Variants in BAZ2B observed in about 807,000 individuals in gnomAD.
BAZ2B encodes bromodomain adjacent to zinc finger domain 2B.
A neutral mutation model predicts 246.0 loss-of-function variants in BAZ2B; 91 were observed. The ratio of observed to expected loss-of-function variants is 0.37; its 90% CI spans 0.31 to 0.44. BAZ2B has a LOEUF of 0.44. BAZ2B is among the 20% of genes least tolerant of loss of function. The pLI, the probability that BAZ2B is intolerant of heterozygous loss-of-function variation, is 1.00. For missense variants in BAZ2B, 2,332 were observed against 2,533.7 expected, an observed-to-expected ratio of 0.92 and a Z score of 1.71; for synonymous variants, 855 against 860.0, an observed-to-expected ratio of 0.99 and a Z score of 0.10.
chr2:159,575,072 A>G (rs12466631), intron 1 of BAZ2B, among the ~76,000 whole-genome samples: 20,989 of 152,234 alleles, frequency 0.14, 1,662 homozygotes, highest in East Asian at 0.36. Context: ...ACATGACAGA[A>G]GCCAGTCACA....
At chr2:159,533,032 G>C (rs2085536127) in intron 2 of BAZ2B, among the ~76,000 whole-genome samples, 1 of 152,154 alleles carries the variant, frequency 6.6e-6, no homozygotes, top group African/African-American at 2.4e-5. Context: ...CATGATACTG[G>C]AGACAGAGAA....
chr2:159,382,111 C>T (rs1285979419), intron 25 of BAZ2B, among the ~76,000 whole-genome samples: 3 of 152,152 alleles, frequency 2.0e-5, no homozygotes, highest in Non-Finnish European at 2.9e-5. Context: ...CTTTCAGTGC[C>T]TTATTCGTCT....
the BAZ2B span, among the ~76,000 whole-genome samples, chr2:159,636,411 G>T: frequency 6.6e-6 from 1 of 152,172 alleles, no homozygotes; most frequent in Non-Finnish European, 1.5e-5. Context: ...ACTCAGTGAT[G>T]CCCTGTCATA....
At chr2:159,593,663 G>A (rs1023966830) in intron 1 of BAZ2B, among the ~76,000 whole-genome samples, 1 of 152,024 alleles carries the variant, frequency 6.6e-6, no homozygotes, top group Non-Finnish European at 1.5e-5. Flanking sequence ...AACCTGCCTG[G>A]GACACAAATC....
intron 10 of BAZ2B, 72 bp downstream of exon 10, chr2:159,430,791 C>T (rs1194118404): frequency 2.5e-5 from 39 of 1,535,834 alleles, no homozygotes; most frequent in Non-Finnish European, 3.3e-5. Context: ...ATCTCCAGAA[C>T]ACTCTTATCA....
intron 1 of BAZ2B, among the ~76,000 whole-genome samples, chr2:159,590,327 C>G (rs961857104): frequency 1.3e-5 from 2 of 148,224 alleles, no homozygotes; most frequent in African/African-American, 5.0e-5. Flanking sequence ...CAGTGGCTCA[C>G]GCCTGTAATC....
chr2:159,342,395 C>G (rs569150888), intron 31 of BAZ2B, among the ~76,000 whole-genome samples: 19 of 152,320 alleles, frequency 1.2e-4, no homozygotes, highest in African/African-American at 4.6e-4. Context: ...AAGCCATTCT[C>G]CCACCTCAGC....
chr2:159,627,555 C>A, the BAZ2B span, among the ~76,000 whole-genome samples: 16 of 152,204 alleles, frequency 1.1e-4, no homozygotes, highest in South Asian at 3.3e-3. Flanking sequence ...TAAACAGAAT[C>A]AATGACAAAA....
intron 2 of BAZ2B, among the ~76,000 whole-genome samples, chr2:159,551,631 G>A (rs1031655794): frequency 6.6e-6 from 1 of 152,052 alleles, no homozygotes; most frequent in African/African-American, 2.4e-5. Flanking sequence ...GCTCAGAGAA[G>A]ACAGAGGATT....
At position 159,537,645 on chromosome 2, in the gene BAZ2B, T is replaced by G. The variant is rs149134616; in HGVS notation, c.-3+18178A>C. On this transcript the variant is annotated intron_variant, in intron 2 of 36. Transcript: ENST00000392783. ...GCTGAGCCTTTCGGAGTTTCAAATGTGTAAACTGTTTTTTCTAGGCTTTCT... is the reference window on the plus strand; with the variant it reads ...GCTGAGCCTTTCGGAGTTTCAAATGGGTAAACTGTTTTTTCTAGGCTTTCT... 4.7e-3 allele frequency among the ~76,000 whole-genome samples: 715 copies of G among 152,364 alleles called. 5 individuals carry two copies. Among genetic ancestry groups the G allele is most frequent in the Middle Eastern group, 0.02 (6 of 294 alleles).
chr2:159,501,923 C>G (rs2081889336), intron 2 of BAZ2B, among the ~76,000 whole-genome samples: 1 of 152,004 alleles, frequency 6.6e-6, no homozygotes, highest in Admixed American at 6.6e-5. Flanking sequence ...AGCAAATAAC[C>G]CAAATGGCTA....
chr2:159,349,991 TTA>T lies in BAZ2B; in HGVS notation c.4578_4579del (p.Asn1526LysfsTer4). ...ACCACTTGAACCAGTATTAAACAGA[TTA>T]TTAGAGTCTGCCTTTTCCACATTGC... On this transcript the variant is annotated frameshift_variant, in exon 28 of 37. Transcript: ENST00000392783. LOFTEE classifies it high-confidence loss of function. 6.2e-7 allele frequency: 1 copy of T among 1,614,160 alleles called. No homozygotes were observed. The highest frequency in any genetic ancestry group is 8.5e-7 in the Non-Finnish European group (1 of 1,180,012).
intron 13 of BAZ2B, among the ~76,000 whole-genome samples, chr2:159,416,713 C>A (rs906261735): frequency 2.0e-5 from 3 of 152,168 alleles, no homozygotes; most frequent in Admixed American, 2.0e-4. Context: ...TAGAACTTAG[C>A]AGACAAATAT....
At chr2:159,457,518 C>A (rs1274619340) in intron 3 of BAZ2B, among the ~76,000 whole-genome samples, 1 of 152,196 alleles carries the variant, frequency 6.6e-6, no homozygotes. Flanking sequence ...GGCAAACTTG[C>A]AGTTATGGTT....
At chr2:159,619,321 A>G (rs1386937201), upstream of BAZ2B, among the ~76,000 whole-genome samples, 2 of 151,960 alleles carry the variant, frequency 1.3e-5, no homozygotes, top group African/African-American at 4.8e-5. Flanking sequence ...GGTTGGAAAA[A>G]AGGGGAAAAG....
At chr2:159,497,737 T>A (rs2081313011) in intron 2 of BAZ2B, among the ~76,000 whole-genome samples, 2 of 152,020 alleles carry the variant, frequency 1.3e-5, no homozygotes, top group South Asian at 4.2e-4. Context: ...AGAAGTTGAG[T>A]GGCCTTGAGA....
At chr2:159,704,847 T>A in the BAZ2B span, among the ~76,000 whole-genome samples, 1 of 151,990 alleles carries the variant, frequency 6.6e-6, no homozygotes. Context: ...GGACTACAGG[T>A]GCCCACCACC....
At chr2:159,374,357 G>T (rs965787660) in intron 26 of BAZ2B, among the ~76,000 whole-genome samples, 5 of 152,034 alleles carry the variant, frequency 3.3e-5, no homozygotes, top group Non-Finnish European at 5.9e-5. Context: ...TTAATTCCAA[G>T]AAATAAAACT....
chr2:159,501,862 T>C (rs895501291), intron 2 of BAZ2B, among the ~76,000 whole-genome samples: 4 of 152,204 alleles, frequency 2.6e-5, no homozygotes, highest in Non-Finnish European at 5.9e-5. Context: ...TATATGTCTA[T>C]ACAAAAACTG....
Sources: gnomAD v4.1 joint callset for allele counts (sites outside exome capture counted in the v4.1 genomes callset) on GRCh38, gnomAD v4.1.1 for gene constraint, MANE v1.5 for transcripts, NCBI Gene and HGNC (gene_info 2026-07-23, HGNC 2026-07-21) for gene names.